ERBB4: variants seen among roughly 807,000 people sequenced by gnomAD.
ERBB4 encodes erb-b2 receptor tyrosine kinase 4.
In ERBB4, 42 loss-of-function variants were observed where a neutral mutation model predicts 158.0. That is an observed-to-expected ratio of 0.27 (90% CI 0.21 to 0.34). The LOEUF (loss-of-function observed/expected upper bound fraction) is 0.34, where lower values mean the gene tolerates loss of function less well. ERBB4 is among the 10% of genes least tolerant of loss of function. The pLI is 1.00. For missense variants in ERBB4, 1,333 were observed against 1,624.1 expected (o/e 0.82, Z 3.08); for synonymous variants, 583 against 558.7 (o/e 1.04, Z -0.61).
chr2:212,225,975 A>G (rs977603235), intron 1 of ERBB4, among the ~76,000 whole-genome samples: 1 of 152,148 alleles, frequency 6.6e-6, no homozygotes, highest in Admixed American at 6.6e-5. Flanking sequence ...GATATAATTA[A>G]TATCTCAAAT....
At chr2:211,949,701 T>C (rs1171247299) in intron 2 of ERBB4, among the ~76,000 whole-genome samples, 1 of 152,170 alleles carries the variant, frequency 6.6e-6, no homozygotes, top group Non-Finnish European at 1.5e-5. Context: ...CTTAAAAACC[T>C]GAGTTTCCTT....
At chr2:211,418,882 A>C (rs1446190929) in intron 25 of ERBB4, among the ~76,000 whole-genome samples, 1 of 152,032 alleles carries the variant, frequency 6.6e-6, no homozygotes, top group Non-Finnish European at 1.5e-5. Flanking sequence ...TAAAACTTTT[A>C]GTTATCTATT....
intron 2 of ERBB4, among the ~76,000 whole-genome samples, chr2:212,009,455 C>T (rs1381177095): frequency 6.6e-6 from 1 of 151,414 alleles, no homozygotes; most frequent in African/African-American, 2.4e-5. Context: ...TTCCCTCAAG[C>T]CATTAGAAGA....
chr2:211,555,393 C>A (rs1380904709), intron 20 of ERBB4, among the ~76,000 whole-genome samples: 4 of 152,100 alleles, frequency 2.6e-5, no homozygotes, highest in Non-Finnish European at 4.4e-5. Context: ...CCATGTTGGT[C>A]AGGCTGGTCT....
At chr2:211,846,675 A>G (rs759446647) in intron 3 of ERBB4, among the ~76,000 whole-genome samples, 5 of 152,226 alleles carry the variant, frequency 3.3e-5, no homozygotes, top group Middle Eastern at 3.4e-3. Flanking sequence ...TAAATGTCAA[A>G]TGTATATCCT....
intron 2 of ERBB4, among the ~76,000 whole-genome samples, chr2:211,985,095 C>T (rs2081904602): frequency 6.6e-6 from 1 of 152,146 alleles, no homozygotes; most frequent in Admixed American, 6.6e-5. Flanking sequence ...ATAATCCAAG[C>T]ATGCTAACAT....
chr2:212,090,383 C>T (rs548659099), intron 2 of ERBB4, among the ~76,000 whole-genome samples: 3 of 152,276 alleles, frequency 2.0e-5, no homozygotes, highest in African/African-American at 7.2e-5. Flanking sequence ...CCCTTACACA[C>T]AGGTTTGAAA....
At chr2:211,716,185 A>G (rs992186527) in intron 7 of ERBB4, among the ~76,000 whole-genome samples, 75 of 151,484 alleles carry the variant, frequency 5.0e-4, no homozygotes, top group Admixed American at 1.3e-3. Flanking sequence ...CAACATGGAG[A>G]AACCCTGTCT....
At chr2:211,849,140 G>A (rs1429937357) in intron 3 of ERBB4, among the ~76,000 whole-genome samples, 1 of 151,866 alleles carries the variant, frequency 6.6e-6, no homozygotes, top group Non-Finnish European at 1.5e-5. Context: ...CAGAAATATG[G>A]AAGACATATT....
chr2:211,649,780 G>A (rs753095614), intron 16 of ERBB4, among the ~76,000 whole-genome samples: 5 of 151,838 alleles, frequency 3.3e-5, no homozygotes, highest in Admixed American at 6.6e-5. Flanking sequence ...TATTAGAGGT[G>A]AGGTTCCCTT....
In ERBB4 at chr2:211,802,346, A is replaced by T. The variant is rs535436387; in HGVS notation, c.422-14187T>A. Among the ~76,000 whole-genome samples the T allele has an allele frequency of 1.4e-4, 22 of 152,214 alleles. 2 individuals carry two copies. In the South Asian group the frequency reaches 3.5e-3, roughly 24 times the overall value. ...CAATAGTGTCCTCAGTTCTAATTTC[A>T]CCATTGTCACATACATATCTTTCCT... On this transcript the variant is annotated intron_variant, in intron 3 of 27. Coordinates refer to ENST00000342788, the MANE Select transcript of ERBB4 (RefSeq NM_005235.3).
intron 1 of ERBB4, among the ~76,000 whole-genome samples, chr2:212,188,293 C>A (rs978605240): frequency 4.8e-5 from 6 of 125,474 alleles, no homozygotes; most frequent in Admixed American, 8.6e-5. Flanking sequence ...TCTCTCCCTC[C>A]CTCTTCTCTC....
At chr2:211,953,871 T>C (rs1397393455) in intron 2 of ERBB4, among the ~76,000 whole-genome samples, 1 of 121,952 alleles carries the variant, frequency 8.2e-6, no homozygotes, top group African/African-American at 4.2e-5. Flanking sequence ...ATCATGATTT[T>C]TTAAAAATGA....
chr2:211,462,277 G>C (rs1192563304), intron 20 of ERBB4, among the ~76,000 whole-genome samples: 1 of 151,872 alleles, frequency 6.6e-6, no homozygotes, highest in African/African-American at 2.4e-5. Context: ...CAGCACTGAG[G>C]GATACCTGCC....
chr2:212,055,469 T>C (rs904096825), intron 2 of ERBB4, among the ~76,000 whole-genome samples: 4 of 152,166 alleles, frequency 2.6e-5, no homozygotes, highest in African/African-American at 4.8e-5. Context: ...TGAGAATGGA[T>C]AGACAGCCCC....
chr2:211,946,576 C>CTTTTTT lies in ERBB4; in HGVS notation c.421+848_421+853dup, dbSNP rs56007115. On this transcript the variant is annotated intron_variant, in intron 3 of 27. Transcript: ENST00000342788. ...TACTAATTATTTACTAATTAGCTCT[C>CTTTTTT]TTTTTTTTTTTTTTTTTTTTTTTTT... Among the ~76,000 whole-genome samples, 482 of 49,618 alleles carry CTTTTTT rather than the reference C, an allele frequency of 9.7e-3. 77 individuals carry two copies. Among genetic ancestry groups the CTTTTTT allele is most frequent in the East Asian group, 0.041 (54 of 1,312 alleles). 32.6% of individuals were successfully genotyped at this position (49,618 alleles called of 152,430 possible).
intron 20 of ERBB4, among the ~76,000 whole-genome samples, chr2:211,499,413 C>T (rs2065558770): frequency 6.6e-6 from 1 of 151,928 alleles, no homozygotes; most frequent in Non-Finnish European, 1.5e-5. Flanking sequence ...GTTCCAGCTA[C>T]TCGAGAGGCT....
intron 20 of ERBB4, among the ~76,000 whole-genome samples, chr2:211,524,342 G>A (rs1468882597): frequency 6.6e-6 from 1 of 152,176 alleles, no homozygotes; most frequent in East Asian, 1.9e-4. Context: ...GGGGGCTGCA[G>A]GTGGAGCTGC....
At chr2:212,331,013 C>T (rs1424779507) in intron 1 of ERBB4, among the ~76,000 whole-genome samples, 2 of 129,210 alleles carry the variant, frequency 1.5e-5, no homozygotes, top group Non-Finnish European at 3.4e-5. Context: ...CTTTTTCCTG[C>T]AATATTAAAA....
Sources: gnomAD v4.1 joint callset for allele counts (sites outside exome capture counted in the v4.1 genomes callset) on GRCh38, gnomAD v4.1.1 for gene constraint, MANE v1.5 for transcripts, NCBI Gene and HGNC (gene_info 2026-07-23, HGNC 2026-07-21) for gene names.